Variants in RIMS1 observed in about 807,000 individuals in gnomAD.
RIMS1 encodes regulating synaptic membrane exocytosis protein 1.
RIMS1 carries 83 observed loss-of-function variants against 214.1 expected under a neutral mutation model. The observed-to-expected ratio is 0.39, with a 90% confidence interval of 0.32 to 0.47. The LOEUF (loss-of-function observed/expected upper bound fraction) is 0.47. Among genes scored for constraint, RIMS1 ranks in the 20% least tolerant of loss-of-function variants. The pLI, the probability that RIMS1 is intolerant of heterozygous loss-of-function variation, is 0.99. For missense variants in RIMS1, 2,050 were observed against 2,161.8 expected (o/e 0.95, Z 1.03); for synonymous variants, 793 against 786.8 (o/e 1.01, Z -0.13).
intron 1 of RIMS1, among the ~76,000 whole-genome samples, chr6:71,947,880 A>G (rs1029039941): frequency 3.3e-5 from 5 of 152,110 alleles, no homozygotes; most frequent in African/African-American, 1.2e-4. Flanking sequence ...TGAATGTACT[A>G]TATATCATAG....
chr6:71,915,870 G>T (rs1778242624), intron 1 of RIMS1, among the ~76,000 whole-genome samples: 1 of 152,036 alleles, frequency 6.6e-6, no homozygotes, highest in African/African-American at 2.4e-5. Flanking sequence ...CAAAGGAGGG[G>T]CAAAGTCATG....
At chr6:71,985,511 T>TA (rs1361379284) in intron 2 of RIMS1, among the ~76,000 whole-genome samples, 1 of 152,206 alleles carries the variant, frequency 6.6e-6, no homozygotes, top group African/African-American at 2.4e-5. Flanking sequence ...ACGTCCATTA[T>TA]ATATTATATC....
chr6:72,328,226 T>C (rs1452296172), intron 28 of RIMS1, among the ~76,000 whole-genome samples: 1 of 151,852 alleles, frequency 6.6e-6, no homozygotes, highest in Non-Finnish European at 1.5e-5. Context: ...ACACCACATG[T>C]TCTCACTCAT....
At chr6:71,991,555 A>T (rs1165094719) in intron 2 of RIMS1, among the ~76,000 whole-genome samples, 1 of 152,226 alleles carries the variant, frequency 6.6e-6, no homozygotes, top group African/African-American at 2.4e-5. Context: ...ATTATGAAAG[A>T]TATCAGACCG....
intron 4 of RIMS1, among the ~76,000 whole-genome samples, chr6:72,138,675 A>G (rs1489508857): frequency 2.6e-5 from 4 of 152,188 alleles, no homozygotes; most frequent in Non-Finnish European, 1.5e-5. Context: ...ACAAAAAAAT[A>G]TAAAAAGTAA....
chr6:72,163,076 T>C (rs757162613), intron 4 of RIMS1, among the ~76,000 whole-genome samples: 1 of 137,202 alleles, frequency 7.3e-6, no homozygotes, highest in African/African-American at 2.5e-5. Flanking sequence ...TCTTGGAGGC[T>C]TTGTTCATTT....
At chr6:72,305,834 A>G (rs1253001898) in intron 26 of RIMS1, among the ~76,000 whole-genome samples, 1 of 152,154 alleles carries the variant, frequency 6.6e-6, no homozygotes, top group Non-Finnish European at 1.5e-5. Context: ...TTGCATAACT[A>G]AGGGTTGTTA....
chr6:71,931,491 G>A (rs1783023902), intron 1 of RIMS1, among the ~76,000 whole-genome samples: 1 of 151,962 alleles, frequency 6.6e-6, no homozygotes, highest in South Asian at 2.1e-4. Flanking sequence ...AAGATAGCTT[G>A]ACATTCAAAT....
intron 4 of RIMS1, among the ~76,000 whole-genome samples, chr6:72,151,192 G>A (rs375906749): frequency 9.2e-4 from 140 of 152,106 alleles, no homozygotes; most frequent in Middle Eastern, 3.4e-3. Flanking sequence ...ACAGGCTCCC[G>A]CCACCATGCC....
intron 2 of RIMS1, among the ~76,000 whole-genome samples, chr6:72,080,789 TC>T (rs1248359400): frequency 6.6e-6 from 1 of 152,190 alleles, no homozygotes. Flanking sequence ...CTCACCTCCT[TC>T]AGGTCTTTGC....
intron 2 of RIMS1, among the ~76,000 whole-genome samples, chr6:72,050,670 C>G (rs1585707579): frequency 6.6e-6 from 1 of 152,218 alleles, no homozygotes; most frequent in Middle Eastern, 3.4e-3. Flanking sequence ...CCTGTGGCAT[C>G]CAGGGTGTGT....
At chr6:72,321,200 A>C (rs565111380) in intron 28 of RIMS1, among the ~76,000 whole-genome samples, 2 of 152,238 alleles carry the variant, frequency 1.3e-5, no homozygotes, top group South Asian at 4.1e-4. Context: ...AATTAGTTGT[A>C]TTATTTGTTA....
intron 1 of RIMS1, among the ~76,000 whole-genome samples, chr6:71,927,812 A>T (rs1039429537): frequency 1.1e-4 from 16 of 152,154 alleles, no homozygotes; most frequent in Admixed American, 7.2e-4. Flanking sequence ...AGACAAATTT[A>T]TAATATTTGA....
At chr6:72,233,251 A>G (rs1420647915) in intron 6 of RIMS1, among the ~76,000 whole-genome samples, 2 of 151,878 alleles carry the variant, frequency 1.3e-5, no homozygotes, top group African/African-American at 4.8e-5. Context: ...CTTTTGGAAA[A>G]AGTTATTTTT....
chr6:72,090,694 A>T lies in RIMS1; in HGVS notation c.246-6255A>T, dbSNP rs115862104. On this transcript the variant is annotated intron_variant, in intron 2 of 33. Transcript: ENST00000521978. Reference sequence around the variant, plus strand: ...TTTGACACTGGTACATGCTGTCATGAACTGCTAATTTATATTTATGTATAA... The same window carrying T: ...TTTGACACTGGTACATGCTGTCATGTACTGCTAATTTATATTTATGTATAA... Among the ~76,000 whole-genome samples, 893 of 152,308 alleles carry T rather than the reference A, an allele frequency of 5.9e-3. 8 individuals are homozygous for T. Among genetic ancestry groups the T allele is most frequent in the African/African-American group, 0.021 (863 of 41,572 alleles).
At chr6:72,375,301 A>G (rs964766781) in intron 29 of RIMS1, among the ~76,000 whole-genome samples, 2 of 152,050 alleles carry the variant, frequency 1.3e-5, no homozygotes, top group Non-Finnish European at 2.9e-5. Flanking sequence ...CTCTTCTTAC[A>G]TTTTACAGAA....
intron 2 of RIMS1, among the ~76,000 whole-genome samples, chr6:71,984,858 A>G (rs1337720207): frequency 2.6e-5 from 4 of 151,936 alleles, no homozygotes; most frequent in Non-Finnish European, 1.5e-5. Context: ...CTATCCATCT[A>G]TCTATAAGCT....
At chr6:72,261,949 C>T (rs1020279154) in intron 19 of RIMS1, 1 of 984,214 alleles carries the variant, frequency 1.0e-6, no homozygotes, top group Non-Finnish European at 1.2e-6. Flanking sequence ...TTTATTATTA[C>T]TTGTTCTTGA....
At chr6:71,916,559 A>T (rs2150688415) in intron 1 of RIMS1, among the ~76,000 whole-genome samples, 1 of 152,246 alleles carries the variant, frequency 6.6e-6, no homozygotes, top group East Asian at 1.9e-4. Flanking sequence ...TTCTAAGCTG[A>T]TTTTAAAATT....
Sources: allele counts gnomAD v4.1 joint callset (sites outside exome capture counted in the v4.1 genomes callset), GRCh38; gene constraint gnomAD v4.1.1; transcripts MANE v1.5; gene names NCBI Gene and HGNC (gene_info 2026-07-23, HGNC 2026-07-21).